Variants in FILIP1 observed in about 807,000 individuals in gnomAD.
FILIP1 encodes filamin-A-interacting protein 1.
Under a neutral mutation model 102.1 loss-of-function variants are expected in FILIP1, and 61 were observed. The observed-to-expected ratio is 0.60, with a 90% CI of 0.49 to 0.74. The LOEUF (loss-of-function observed/expected upper bound fraction) is 0.74, where lower values mean the gene tolerates loss of function less well. Ranked by LOEUF, FILIP1 falls within the 30% of genes least tolerant of loss-of-function variation. The pLI, the probability that FILIP1 is intolerant of heterozygous loss-of-function variation, is 0.00. For synonymous variants in FILIP1, 491 were observed against 526.9 expected, an observed-to-expected ratio of 0.93 and a Z score of 0.93; for missense variants, 1,314 against 1,441.2, an observed-to-expected ratio of 0.91 and a Z score of 1.43.
At chr6:75,458,312 C>T (rs1778911078) in intron 1 of FILIP1, 1 of 151,970 alleles carries the variant, frequency 6.6e-6, no homozygotes, top group Non-Finnish European at 1.5e-5. Context: ...AATATTCAGT[C>T]CAAAATGTCA....
intron 4 of FILIP1, among the ~76,000 whole-genome samples, chr6:75,327,904 CA>C (rs1039521999): frequency 1.4e-4 from 21 of 151,538 alleles, no homozygotes; most frequent in East Asian, 7.8e-4. Context: ...ATTCTCTTAA[CA>C]AAAAAAACCC....
chr6:75,393,774 A>G (rs1462822494), intron 2 of FILIP1, among the ~76,000 whole-genome samples: 2 of 152,206 alleles, frequency 1.3e-5, no homozygotes, highest in Non-Finnish European at 2.9e-5. Context: ...TGCAAATTAC[A>G]TTTCCCAGGC....
chr6:75,353,514 G>T, intron 4 of FILIP1, 25 bp downstream of exon 4: 1 of 1,613,120 alleles, frequency 6.2e-7, no homozygotes, highest in South Asian at 1.1e-5. Flanking sequence ...ATCCAGATGT[G>T]ACTGGTGGTG....
chr6:75,326,737 A>G (rs1451807061), intron 4 of FILIP1, among the ~76,000 whole-genome samples: 6 of 152,180 alleles, frequency 3.9e-5, no homozygotes, highest in Admixed American at 3.9e-4. Flanking sequence ...TTTGAATCAG[A>G]TCTATTTGCA....
intron 6 of FILIP1, among the ~76,000 whole-genome samples, chr6:75,299,567 T>G (rs1449093518): frequency 6.6e-6 from 1 of 152,040 alleles, no homozygotes; most frequent in African/African-American, 2.4e-5. Flanking sequence ...AGACACTGAG[T>G]TTTTATATAT....
At chr6:75,312,356 C>A in intron 5 of FILIP1, 41 bp downstream of exon 5, 2 of 1,576,366 alleles carry the variant, frequency 1.3e-6, no homozygotes, top group African/African-American at 1.3e-5. Context: ...TCACGTCTCC[C>A]TCCCTCTGCA....
At chr6:75,438,967 C>T (rs1410089439) in intron 1 of FILIP1, among the ~76,000 whole-genome samples, 1 of 152,170 alleles carries the variant, frequency 6.6e-6, no homozygotes, top group Admixed American at 6.5e-5. Context: ...TAAGCTCTGC[C>T]AGAGACAGGG....
At chr6:75,405,845 G>A (rs1215610397) in intron 2 of FILIP1, among the ~76,000 whole-genome samples, 1 of 152,190 alleles carries the variant, frequency 6.6e-6, no homozygotes, top group Non-Finnish European at 1.5e-5. Context: ...TAGGTAATCG[G>A]AATGAGACAG....
At chr6:75,410,319 C>T (rs1777019344) in intron 2 of FILIP1, among the ~76,000 whole-genome samples, 1 of 152,100 alleles carries the variant, frequency 6.6e-6, no homozygotes, top group Non-Finnish European at 1.5e-5. Flanking sequence ...CTCTCAGCAC[C>T]AGCCATTCAG....
intron 1 of FILIP1, among the ~76,000 whole-genome samples, chr6:75,441,582 C>A (rs867539816): frequency 6.6e-6 from 1 of 150,824 alleles, no homozygotes; most frequent in Non-Finnish European, 1.5e-5. Flanking sequence ...CCTCTCCTCC[C>A]GGACGGGGCG....
At chr6:75,330,986 A>G (rs140611553) in intron 4 of FILIP1, among the ~76,000 whole-genome samples, 1 of 152,310 alleles carries the variant, frequency 6.6e-6, no homozygotes, top group East Asian at 1.9e-4. Flanking sequence ...GCAAGAACTG[A>G]AAACCATGAA....
intron 1 of FILIP1, among the ~76,000 whole-genome samples, chr6:75,462,595 T>C (rs763540540): frequency 9.2e-5 from 14 of 152,124 alleles, no homozygotes; most frequent in Non-Finnish European, 1.9e-4. Flanking sequence ...TATATATATA[T>C]ACACACACAT....
chr6:75,463,001 G>C (rs1486007434), intron 1 of FILIP1, among the ~76,000 whole-genome samples: 1 of 152,182 alleles, frequency 6.6e-6, no homozygotes, highest in Non-Finnish European at 1.5e-5. Context: ...ATCTATACCT[G>C]AAGTCTTCAC....
intron 6 of FILIP1, among the ~76,000 whole-genome samples, chr6:75,298,547 T>C (rs148938699): frequency 6.4e-4 from 98 of 152,314 alleles, no homozygotes; most frequent in African/African-American, 2.0e-3. Flanking sequence ...ATTAGCTATG[T>C]TTTCCCCAAG....
At chr6:75,445,880 T>C (rs1778429671) in intron 1 of FILIP1, among the ~76,000 whole-genome samples, 1 of 152,104 alleles carries the variant, frequency 6.6e-6, no homozygotes, top group Admixed American at 6.6e-5. Context: ...TAATACCTAT[T>C]AACAACAACA....
intron 1 of FILIP1, among the ~76,000 whole-genome samples, chr6:75,454,710 T>C (rs1223450036): frequency 6.6e-6 from 1 of 152,244 alleles, no homozygotes; most frequent in Non-Finnish European, 1.5e-5. Context: ...TCCTGATGAC[T>C]AAATCTGGAA....
At chr6:75,338,773 T>C (rs1277989434) in intron 4 of FILIP1, among the ~76,000 whole-genome samples, 2 of 152,222 alleles carry the variant, frequency 1.3e-5, no homozygotes, top group Non-Finnish European at 2.9e-5. Flanking sequence ...ACTTTTTCCA[T>C]ACCCAATTTT....
At chr6:75,351,407 T>A (rs928901928) in intron 4 of FILIP1, among the ~76,000 whole-genome samples, 2 of 152,216 alleles carry the variant, frequency 1.3e-5, no homozygotes, top group Admixed American at 6.5e-5. Context: ...CATTATACAC[T>A]TAATATTTTA....
intron 2 of FILIP1, among the ~76,000 whole-genome samples, chr6:75,397,537 GACACACACAC>G (rs59797690): frequency 0.066 from 9,148 of 138,972 alleles, 445 homozygotes; most frequent in African/African-American, 0.13. Flanking sequence ...ACACATATAA[GACACACACAC>G]ACACACACAC....
Sources: allele counts gnomAD v4.1 joint callset (sites outside exome capture counted in the v4.1 genomes callset), GRCh38; gene constraint gnomAD v4.1.1; transcripts MANE v1.5; gene names NCBI Gene and HGNC (gene_info 2026-07-23, HGNC 2026-07-21).